The following HTT variants were observed in gnomAD, a reference collection of about 807,000 sequenced individuals.
The protein encoded by HTT is huntingtin.
HTT carries 104 observed loss-of-function variants against 362.3 expected under a neutral mutation model. The observed-to-expected ratio is 0.29, with a 90% CI of 0.24 to 0.34. The LOEUF (loss-of-function observed/expected upper bound fraction) is 0.34. Among genes scored for constraint, HTT ranks in the 10% least tolerant of loss-of-function variants. HTT has a pLI of 1.00. For synonymous variants in HTT, 1,577 were observed against 1,548.7 expected, an observed-to-expected ratio of 1.02 and a Z score of -0.43; for missense variants, 3,301 against 3,928.6, an observed-to-expected ratio of 0.84 and a Z score of 4.27.
At chr4:3,149,135 G>C (rs1716752996) in intron 26 of HTT, among the ~76,000 whole-genome samples, 1 of 152,098 alleles carries the variant, frequency 6.6e-6, no homozygotes, top group Non-Finnish European at 1.5e-5. Context: ...TTGGTTAATG[G>C]CTACTGTCCT....
intron 6 of HTT, among the ~76,000 whole-genome samples, chr4:3,113,251 C>G (rs1714853377): frequency 6.6e-6 from 1 of 152,174 alleles, no homozygotes; most frequent in Non-Finnish European, 1.5e-5. Flanking sequence ...TTATTCCAAA[C>G]TATTTAAGCT....
chr4:3,138,737 A>C (rs1716201183), intron 21 of HTT, among the ~76,000 whole-genome samples: 2 of 152,028 alleles, frequency 1.3e-5, no homozygotes, highest in African/African-American at 4.8e-5. Context: ...TCAGCCTCCC[A>C]GGAAGCTGGA....
At chr4:3,111,559 C>T (rs1265670930) in intron 6 of HTT, among the ~76,000 whole-genome samples, 1 of 152,156 alleles carries the variant, frequency 6.6e-6, no homozygotes, top group African/African-American at 2.4e-5. Context: ...GGAAATTACT[C>T]ATTTTCCTGC....
intron 40 of HTT, 58 bp downstream of exon 40, chr4:3,189,151 C>T (rs1718904703): frequency 6.5e-7 from 1 of 1,549,582 alleles, no homozygotes; most frequent in African/African-American, 1.4e-5. Flanking sequence ...GCACTATACA[C>T]TCTCAGAGTG....
At chr4:3,155,252 C>T (rs1397287181) in intron 27 of HTT, among the ~76,000 whole-genome samples, 2 of 151,692 alleles carry the variant, frequency 1.3e-5, no homozygotes, top group Non-Finnish European at 2.9e-5. Flanking sequence ...GACAGAGTCT[C>T]ACTCTGTCAC....
rs1721477016 is a variant in HTT at position 3,235,395 on chromosome 4, A to G, written c.8568A>G (p.Ile2856Met). The G allele has an allele frequency of 6.3e-7, 1 of 1,596,094 alleles. No individual in the cohort carries two copies. The highest frequency in any genetic ancestry group is 1.1e-5 in the South Asian group (1 of 90,688). ...DVGPEFSASI[I>M]QMCGVMLSGS... Reference sequence around the variant, plus strand: ...GGCCGGAATTTTCAGCATCAATAATACAGGTGAGTGGGCCCTGGCTGTCTT... The same window carrying G: ...GGCCGGAATTTTCAGCATCAATAATGCAGGTGAGTGGGCCCTGGCTGTCTT... The change falls in exon 62 of 67, where the codon ATA becomes ATG. Residue 2856 changes from isoleucine to methionine, a missense_variant. By Grantham distance (10) the Ile-to-Met change is conservative. Coordinates refer to ENST00000355072, the MANE Select transcript of HTT (RefSeq NM_001388492.1).
Position 3,233,317 on chromosome 4 carries a change from G to A in HTT, c.8420G>A (p.Ser2807Asn), listed in dbSNP as rs759491382. The A allele has an allele frequency of 3.1e-6, 5 of 1,608,360 alleles. No individual in the cohort carries two copies. Among genetic ancestry groups the A allele is most frequent in the South Asian group, 1.1e-5 (1 of 90,950 alleles). ...GCCAAGCAGCTCATCCCGGTCATCA[G>A]CGACTATCTCCTCTCCAACCTGAAA... ...DTAKQLIPVI[S>N]DYLLSNLKGI... Residue 2807 changes from serine to asparagine, a missense_variant, in exon 61 of 67, where the codon AGC becomes AAC. By Grantham distance (46) the Ser-to-Asn change is conservative. Around this residue, in one of 4 missense-constraint regions of HTT, gnomAD observed 753 missense variants for 1,021.3 expected, o/e 0.74. Transcript: ENST00000355072.
rs1721648149 is a variant in HTT, at chr4:3,238,507, A to G, written c.8952A>G (p.Leu2984=). 1.2e-6 allele frequency: 2 copies of G among 1,613,258 alleles called. No individual in the cohort carries two copies. Among genetic ancestry groups the G allele is most frequent in the Admixed American group, 1.7e-5 (1 of 59,926 alleles). The change falls in exon 65 of 67, where the codon CTA becomes CTG. Residue 2984 remains leucine, a synonymous_variant. Transcript: ENST00000355072. ...RVVARILPQF[L]DDFFPPQDIM... is the part of the protein sequence containing the mutation. ...TGGCCAGGATCCTGCCCCAGTTTCT[A>G]GACGACTTCTTCCCACCCCAGGACA... is the stretch of plus-strand genomic sequence containing the variant.
chr4:3,170,854 G>A (rs1208701751), intron 29 of HTT, among the ~76,000 whole-genome samples: 2 of 152,164 alleles, frequency 1.3e-5, no homozygotes, highest in African/African-American at 2.4e-5. Context: ...AGGCAGGAGG[G>A]TAAACCCAGT....
chr4:3,129,849 G>C, intron 12 of HTT, 75 bp from the exon 13 acceptor site: 1 of 1,568,276 alleles, frequency 6.4e-7, no homozygotes, highest in Non-Finnish European at 8.8e-7. Context: ...TTTCCTCATT[G>C]CACTTCCATG....
chr4:3,209,978 T>A (rs1275600401), intron 47 of HTT, 29 bp downstream of exon 47: 26 of 1,609,384 alleles, frequency 1.6e-5, no homozygotes, highest in Non-Finnish European at 2.0e-5. Flanking sequence ...AGGCAAGGAA[T>A]CCTCAGCTTT....
chr4:3,160,997 G>C (rs182335756), intron 29 of HTT, among the ~76,000 whole-genome samples: 1 of 151,964 alleles, frequency 6.6e-6, no homozygotes, highest in African/African-American at 2.4e-5. Flanking sequence ...AGGTATACAC[G>C]TGCCATGATG....
chr4:3,086,471 G>A (rs534969451), intron 1 of HTT, among the ~76,000 whole-genome samples: 2 of 152,256 alleles, frequency 1.3e-5, no homozygotes, highest in South Asian at 4.1e-4. Flanking sequence ...AGGAGTTTGA[G>A]CAATTGGGCA....
At chr4:3,085,900 G>A (rs182460456) in intron 1 of HTT, among the ~76,000 whole-genome samples, 2 of 152,112 alleles carry the variant, frequency 1.3e-5, no homozygotes, top group African/African-American at 2.4e-5. Flanking sequence ...GATCATCTTC[G>A]CCAGGCTGTT....
At chr4:3,172,232 G>T (rs1453042391) in intron 29 of HTT, 88 bp from the exon 30 acceptor site, 17 of 803,780 alleles carry the variant, frequency 2.1e-5, no homozygotes, top group Non-Finnish European at 2.9e-5. Flanking sequence ...TTAAATGGAA[G>T]TTATCTTGTA....
Position 3,129,942 on chromosome 4 carries a change from A to G in HTT, c.1762A>G (p.Asn588Asp). Residue 588 changes from asparagine (N) to aspartate (D), a missense_variant, in exon 13 of 67, where the codon AAC becomes GAC. Physicochemically the swap from Asn to Asp is conservative, Grantham distance 23 (BLOSUM62 1). Coordinates refer to ENST00000355072, the MANE Select transcript of HTT (RefSeq NM_001388492.1). ...SSEIVLDGTDNQYLGLQIGQP... is the reference protein window; with the variant it reads ...SSEIVLDGTDDQYLGLQIGQP... Reference sequence around the variant, plus strand: ...CGTTTAGGTGTTAGACGGTACCGACAACCAGTATTTGGGCCTGCAGATTGG... The same window carrying G: ...CGTTTAGGTGTTAGACGGTACCGACGACCAGTATTTGGGCCTGCAGATTGG... 6.2e-7 allele frequency: 1 copy of G among 1,614,124 alleles called. No homozygotes were observed. The highest frequency in any genetic ancestry group is 1.1e-5 in the South Asian group (1 of 91,074).
Position 3,206,290 on chromosome 4 carries a change from C to T in HTT, c.5719-206C>T, listed in dbSNP as rs566956743. On this transcript the variant is annotated intron_variant, in intron 42 of 66. Coordinates refer to ENST00000355072, the MANE Select transcript of HTT (RefSeq NM_001388492.1). The surrounding 1 kb of genome is among the most constrained non-coding windows in gnomAD (Gnocchi z 4.6). The stretch of plus-strand genomic sequence containing the variant: ...GGGCCTAACTTCACACAGCCTCTGC[C>T]GCAGTGCGTGGTTGGAGGTGACGGC... Among the ~76,000 whole-genome samples, 24 of 152,344 alleles carry T rather than the reference C, an allele frequency of 1.6e-4. No homozygotes were observed. Among genetic ancestry groups the T allele is most frequent in the Admixed American group, 1.5e-3 (23 of 15,296 alleles).
At chr4:3,101,540 G>A (rs1714158326) in intron 3 of HTT, among the ~76,000 whole-genome samples, 1 of 152,234 alleles carries the variant, frequency 6.6e-6, no homozygotes, top group South Asian at 2.1e-4. Context: ...CAGGCCAGCT[G>A]TAGGGAGCAT....
chr4:3,174,971 T>G lies in HTT; in HGVS notation c.4271T>G (p.Leu1424Trp), dbSNP rs749003535. The change falls in exon 33 of 67, where the codon TTG (leucine) becomes TGG (tryptophan). Residue 1424 changes from leucine to tryptophan, a missense_variant. Around this residue, in one of 4 missense-constraint regions of HTT, gnomAD observed 2,316 missense variants for 2,658.5 expected, o/e 0.87. Transcript: ENST00000355072. The stretch of plus-strand genomic sequence containing the variant: ...AATGCTATTCATAATCACATTCGTT[T>G]GTTTGAACCTCTTGTTATAAAAGCT... The part of the protein sequence containing the change: ...DKNAIHNHIR[L>W]FEPLVIKALK... 6.2e-7 allele frequency: 1 copy of G among 1,603,560 alleles called. No homozygotes were observed. Among genetic ancestry groups the G allele is most frequent in the East Asian group, 2.2e-5 (1 of 44,792 alleles).
Sources: gnomAD v4.1 joint callset for allele counts (sites outside exome capture counted in the v4.1 genomes callset) on GRCh38, gnomAD v4.1.1 for gene constraint, gnomAD v4.1.1 regional missense constraint, Gnocchi (gnomAD v3.1) non-coding constraint, MANE v1.5 for transcripts, NCBI Gene and HGNC (gene_info 2026-07-23, HGNC 2026-07-21) for gene names.